Variants in IMMP2L observed in about 807,000 individuals in gnomAD.
The protein encoded by IMMP2L is inner mitochondrial membrane peptidase subunit 2, also known as mitochondrial inner membrane protease subunit 2.
Under a neutral mutation model 19.3 loss-of-function variants are expected in IMMP2L, and 18 were observed. The ratio of observed to expected loss-of-function variants is 0.93; its 90% CI spans 0.64 to 1.38. The LOEUF (loss-of-function observed/expected upper bound fraction) is 1.38, where lower values mean the gene tolerates loss of function less well. Among genes scored for constraint, IMMP2L ranks in the 40% most tolerant of loss-of-function variants. The pLI, the probability that IMMP2L is intolerant of heterozygous loss-of-function variation, is 0.00. For synonymous variants in IMMP2L, 76 were observed against 73.0 expected (o/e 1.04, Z -0.21); for missense variants, 233 against 218.2 (o/e 1.07, Z -0.43).
intron 1 of IMMP2L, among the ~76,000 whole-genome samples, chr7:111,522,166 C>T (rs1299097495): frequency 2.6e-5 from 4 of 152,166 alleles, no homozygotes; most frequent in South Asian, 2.1e-4. Flanking sequence ...AAATCACTTG[C>T]GCTGTTTGTG....
intron 5 of IMMP2L, among the ~76,000 whole-genome samples, chr7:110,885,965 A>C (rs1271447437): frequency 6.6e-6 from 1 of 152,098 alleles, no homozygotes; most frequent in African/African-American, 2.4e-5. Flanking sequence ...TTCCACAATT[A>C]GGTCTCTTTG....
intron 3 of IMMP2L, among the ~76,000 whole-genome samples, chr7:111,426,005 T>C (rs562897195): frequency 6.6e-6 from 1 of 151,292 alleles, no homozygotes; most frequent in Admixed American, 6.6e-5. Flanking sequence ...CAACGTGATA[T>C]ACATTAACTG....
intron 5 of IMMP2L, among the ~76,000 whole-genome samples, chr7:110,855,861 T>C (rs1056003132): frequency 6.6e-6 from 1 of 152,048 alleles, no homozygotes; most frequent in African/African-American, 2.4e-5. Context: ...ATCGATATCT[T>C]AATTTATATA....
intron 3 of IMMP2L, among the ~76,000 whole-genome samples, chr7:111,043,678 T>C (rs915575712): frequency 6.6e-6 from 1 of 152,214 alleles, no homozygotes; most frequent in Non-Finnish European, 1.5e-5. Context: ...GATATAATAG[T>C]TTTTTAGTCT....
chr7:111,155,577 C>T (rs1344046038), intron 3 of IMMP2L, among the ~76,000 whole-genome samples: 1 of 151,744 alleles, frequency 6.6e-6, no homozygotes, highest in Non-Finnish European at 1.5e-5. Flanking sequence ...CATTTATATT[C>T]CTCTGTCTCT....
At chr7:110,857,778 A>T (rs1240771569) in intron 5 of IMMP2L, among the ~76,000 whole-genome samples, 2 of 152,076 alleles carry the variant, frequency 1.3e-5, no homozygotes, top group African/African-American at 4.8e-5. Context: ...TATTTGAAGC[A>T]TCTGCTTGAT....
intron 3 of IMMP2L, among the ~76,000 whole-genome samples, chr7:110,987,430 G>C (rs1444434904): frequency 6.6e-6 from 1 of 152,070 alleles, no homozygotes; most frequent in Non-Finnish European, 1.5e-5. Context: ...AATTTAAAAT[G>C]GTCCTTCTCA....
At chr7:111,254,158 ACT>A (rs1354955263) in intron 3 of IMMP2L, among the ~76,000 whole-genome samples, 1 of 152,122 alleles carries the variant, frequency 6.6e-6, no homozygotes, top group African/African-American at 2.4e-5. Flanking sequence ...GGCTTTAAAA[ACT>A]CTGCTTTGGT....
intron 3 of IMMP2L, among the ~76,000 whole-genome samples, chr7:111,386,321 T>C (rs1831749134): frequency 6.6e-6 from 1 of 152,184 alleles, no homozygotes; most frequent in South Asian, 2.1e-4. Context: ...GACTCATACA[T>C]TCATTCACTT....
intron 3 of IMMP2L, among the ~76,000 whole-genome samples, chr7:111,456,607 G>A (rs1839694764): frequency 6.6e-6 from 1 of 152,130 alleles, no homozygotes; most frequent in Non-Finnish European, 1.5e-5. Flanking sequence ...CAGACTTCCT[G>A]CTAAATATTA....
At chr7:111,526,345 T>C (rs1420264066) in intron 1 of IMMP2L, among the ~76,000 whole-genome samples, 1 of 152,206 alleles carries the variant, frequency 6.6e-6, no homozygotes, top group East Asian at 1.9e-4. Context: ...ACCACTCATA[T>C]GTTACTTGTG....
chr7:111,266,593 C>T (rs1817865366), intron 3 of IMMP2L, among the ~76,000 whole-genome samples: 1 of 150,926 alleles, frequency 6.6e-6, no homozygotes, highest in African/African-American at 2.4e-5. Flanking sequence ...AGCTCTGGCA[C>T]TAAGAACATC....
At chr7:111,520,306 C>T (rs1267938548) in intron 2 of IMMP2L, among the ~76,000 whole-genome samples, 1 of 151,922 alleles carries the variant, frequency 6.6e-6, no homozygotes, top group Non-Finnish European at 1.5e-5. Flanking sequence ...AAGAAAAGGC[C>T]CTAACCATGC....
chr7:110,956,598 T>C (rs777439641), intron 4 of IMMP2L, among the ~76,000 whole-genome samples: 1 of 151,970 alleles, frequency 6.6e-6, no homozygotes, highest in African/African-American at 2.4e-5. Context: ...CATGTAACAG[T>C]AAATTCATCT....
intron 2 of IMMP2L, among the ~76,000 whole-genome samples, chr7:111,491,427 T>A (rs1843092360): frequency 2.0e-5 from 3 of 152,100 alleles, no homozygotes. Flanking sequence ...TCATTTAAAG[T>A]GCTTATGGTA....
At chr7:110,779,656 C>G (rs985166538) in intron 5 of IMMP2L, among the ~76,000 whole-genome samples, 1 of 151,736 alleles carries the variant, frequency 6.6e-6, no homozygotes, top group East Asian at 1.9e-4. Context: ...CCAACTTTTA[C>G]GGTAAGCAAG....
At chr7:111,011,269 G>T (rs747915328) in intron 3 of IMMP2L, among the ~76,000 whole-genome samples, 1 of 152,224 alleles carries the variant, frequency 6.6e-6, no homozygotes, top group African/African-American at 2.4e-5. Context: ...TTTGCTGAGA[G>T]CAGTATTCAT....
At chr7:111,179,609 T>A (rs1586710154) in intron 3 of IMMP2L, among the ~76,000 whole-genome samples, 1 of 152,054 alleles carries the variant, frequency 6.6e-6, no homozygotes. Context: ...GCAACGAGCA[T>A]TGGCTTCAAC....
chr7:111,036,565 TG>T (rs1189284995), intron 3 of IMMP2L, among the ~76,000 whole-genome samples: 1 of 152,174 alleles, frequency 6.6e-6, no homozygotes, highest in African/African-American at 2.4e-5. Context: ...GCAGGATCTT[TG>T]TTCTCTTTCA....
Sources: allele counts gnomAD v4.1 joint callset (sites outside exome capture counted in the v4.1 genomes callset), GRCh38; gene constraint gnomAD v4.1.1; transcripts MANE v1.5; gene names NCBI Gene and HGNC (gene_info 2026-07-23, HGNC 2026-07-21).